Variants in OIP5 observed in about 807,000 individuals in gnomAD.
OIP5 encodes the protein Opa interacting protein 5.
A neutral mutation model predicts 20.3 loss-of-function variants in OIP5; 24 were observed. The observed-to-expected ratio is 1.18, with a 90% CI of 0.86 to 1.66. OIP5 has a LOEUF of 1.66. Ranked by LOEUF, OIP5 falls within the 40% of genes most tolerant of loss-of-function variation. OIP5 has a pLI of 0.00. For synonymous variants in OIP5, 143 were observed against 121.3 expected (o/e 1.18, Z -1.17); for missense variants, 339 against 289.5 (o/e 1.17, Z -1.24).
chr15:41,325,100 G>T (rs1301634017), intron 2 of OIP5, among the ~76,000 whole-genome samples: 1 of 152,104 alleles, frequency 6.6e-6, no homozygotes, highest in Admixed American at 6.6e-5. Flanking sequence ...CAGACATAAT[G>T]ATGAAAAGGT....
In OIP5 at chr15:41,309,644, C is replaced by T; in HGVS notation, c.*110G>A. On this transcript the variant is annotated 3_prime_UTR_variant, in exon 5 of 5. Transcript: ENST00000220514. ...TCAGCCTAAAGGTAAATAGAAACTG[C>T]ATTTCCCCTCCATTCTTGAAGCCAA... The T allele has an allele frequency of 1.5e-6, 1 of 675,528 alleles. No homozygotes were observed. Among genetic ancestry groups the T allele is most frequent in the Middle Eastern group, 2.6e-4 (1 of 3,828 alleles). 41.8% of individuals were successfully genotyped at this position (675,528 alleles called of 1,614,324 possible).
In OIP5 at chr15:41,318,843, C is replaced by T. The variant is rs113149637; in HGVS notation, c.512+815G>A. On this transcript the variant is annotated intron_variant, in intron 3 of 4. Coordinates refer to ENST00000220514, the MANE Select transcript of OIP5 (RefSeq NM_007280.2). ...CCAAGTAACTGGGACTATAGGGGCA[C>T]GCCGCCACATCCAGCTAATTTTTTA... is the stretch of plus-strand genomic sequence containing the variant. Among the ~76,000 whole-genome samples, 382 of 151,000 alleles carry T rather than the reference C, an allele frequency of 2.5e-3. 2 individuals are homozygous for T. Among genetic ancestry groups the T allele is most frequent in the African/African-American group, 8.6e-3 (353 of 41,212 alleles).
At chr15:41,321,181 G>GC (rs1351083121) in intron 2 of OIP5, among the ~76,000 whole-genome samples, 1 of 150,386 alleles carries the variant, frequency 6.6e-6, no homozygotes, top group Non-Finnish European at 1.5e-5. Context: ...CCAGCCAGCC[G>GC]CCCCGTCCAG....
chr15:41,312,463 G>T (rs1023723880), intron 4 of OIP5, among the ~76,000 whole-genome samples: 1 of 151,774 alleles, frequency 6.6e-6, no homozygotes, highest in Non-Finnish European at 1.5e-5. Flanking sequence ...GCCCAGGCAA[G>T]AATTATTTTT....
intron 3 of OIP5, among the ~76,000 whole-genome samples, chr15:41,316,076 C>G (rs974166771): frequency 2.0e-5 from 3 of 151,736 alleles, no homozygotes; most frequent in Admixed American, 1.3e-4. Flanking sequence ...TGCAGTGAGC[C>G]GAGATGGTGC....
chr15:41,326,874 G>A (rs1358382091), intron 2 of OIP5, among the ~76,000 whole-genome samples: 1 of 152,118 alleles, frequency 6.6e-6, no homozygotes, highest in Admixed American at 6.6e-5. Context: ...GGGCACTGGA[G>A]AATATTATAG....
chr15:41,323,036 A>G (rs1414551636), intron 2 of OIP5, among the ~76,000 whole-genome samples: 1 of 152,224 alleles, frequency 6.6e-6, no homozygotes, highest in Non-Finnish European at 1.5e-5. Flanking sequence ...TGGTAAATGA[A>G]GTCCCACACC....
At chr15:41,311,139 G>A (rs1287590188) in intron 4 of OIP5, among the ~76,000 whole-genome samples, 1 of 152,312 alleles carries the variant, frequency 6.6e-6, no homozygotes, top group African/African-American at 2.4e-5. Context: ...AGGCCGAGGC[G>A]GGTGGGTCAC....
At chr15:41,314,885 G>A (rs376860816) in intron 3 of OIP5, among the ~76,000 whole-genome samples, 65 of 151,628 alleles carry the variant, frequency 4.3e-4, no homozygotes, top group African/African-American at 1.5e-3. Context: ...GCCTGCCTCA[G>A]CCTCCCAAAG....
At chr15:41,323,477 A>C (rs924635431) in intron 2 of OIP5, among the ~76,000 whole-genome samples, 4 of 152,134 alleles carry the variant, frequency 2.6e-5, no homozygotes, top group African/African-American at 9.7e-5. Context: ...CCCTAACAAG[A>C]AAGCCTGTCC....
chr15:41,315,712 C>T (rs1292915364), intron 3 of OIP5, among the ~76,000 whole-genome samples: 1 of 152,122 alleles, frequency 6.6e-6, no homozygotes, highest in East Asian at 1.9e-4. Flanking sequence ...AAGCTTACTG[C>T]CCTAACAAAA....
At chr15:41,310,584 G>A (rs948529651) in intron 4 of OIP5, among the ~76,000 whole-genome samples, 12 of 150,912 alleles carry the variant, frequency 8.0e-5, no homozygotes, top group African/African-American at 2.7e-4. Context: ...AGCCAAGATC[G>A]TGCCACTGCA....
At chr15:41,331,559 TGGGC>T (rs1289314460) in intron 2 of OIP5, among the ~76,000 whole-genome samples, 1 of 152,202 alleles carries the variant, frequency 6.6e-6, no homozygotes, top group Admixed American at 6.5e-5. Flanking sequence ...CACTCCAGCC[TGGGC>T]GAGAGCAAGA....
intron 2 of OIP5, among the ~76,000 whole-genome samples, chr15:41,324,060 C>G: frequency 6.8e-6 from 1 of 146,410 alleles, no homozygotes; most frequent in Non-Finnish European, 1.5e-5. Context: ...GGCACAATCA[C>G]AGCTCCATTG....
At position 41,311,376 on chromosome 15, in the gene OIP5, G is replaced by A. The variant is rs142815498; in HGVS notation, c.595-1527C>T. Among the ~76,000 whole-genome samples the A allele has an allele frequency of 3.1e-3, 470 of 152,184 alleles. 3 individuals are homozygous for A. The highest frequency in any genetic ancestry group is 0.011 in the African/African-American group (454 of 41,532). ...TGCAGTGACCCAAGACTGTGCCACT[G>A]CATTCCAGCCTGGGAGGCAGAGTGA... On this transcript the variant is annotated intron_variant, in intron 4 of 4. Transcript: ENST00000220514.
At position 41,313,480 on chromosome 15, in the gene OIP5, A is replaced by G. The variant is rs2047771897; in HGVS notation, c.513-126T>C. The G allele has an allele frequency of 6.7e-6, 4 of 595,862 alleles. No individual in the cohort carries two copies. In the East Asian group the frequency reaches 1.2e-4, roughly 17 times the overall value. The allele number at this position is 595,862 out of a possible 1,614,324, so 36.9% of individuals were successfully genotyped here. On this transcript the variant is annotated intron_variant, in intron 3 of 4. Coordinates refer to ENST00000220514, the MANE Select transcript of OIP5 (RefSeq NM_007280.2). ...GCTTCTTAATGATTTTCATTTCAAG[A>G]CTCATGATGTTACAGTTGGCCCACC... is the stretch of plus-strand genomic sequence containing the variant.
chr15:41,331,841 C>A, intron 2 of OIP5, 74 bp downstream of exon 2: 1 of 1,242,142 alleles, frequency 8.1e-7, no homozygotes, highest in Admixed American at 1.7e-5. Flanking sequence ...GTTTTCTCCT[C>A]GTACATGTCA....
At position 41,331,999 on chromosome 15, in the gene OIP5, G is replaced by C; in HGVS notation, c.323-18C>G. On this transcript the variant is annotated intron_variant, in intron 1 of 4. Transcript: ENST00000220514. ...TGTAACTCCTAGGAAGACAAACACG[G>C]GTCAGAACCCATACTCTGCGGGCCT... 6.2e-7 allele frequency: 1 copy of C among 1,612,672 alleles called. No homozygotes were observed. Among genetic ancestry groups the C allele is most frequent in the Non-Finnish European group, 8.5e-7 (1 of 1,178,904 alleles).
At position 41,309,652 on chromosome 15, in the gene OIP5, C is replaced by T; in HGVS notation, c.*102G>A. Reference sequence around the variant, plus strand: ...AAGGTAAATAGAAACTGCATTTCCCCTCCATTCTTGAAGCCAATCTTTTTC... The same window carrying T: ...AAGGTAAATAGAAACTGCATTTCCCTTCCATTCTTGAAGCCAATCTTTTTC... On this transcript the variant is annotated 3_prime_UTR_variant, in exon 5 of 5. Coordinates refer to ENST00000220514, the MANE Select transcript of OIP5 (RefSeq NM_007280.2). The T allele has an allele frequency of 1.4e-6, 1 of 726,698 alleles. No homozygotes were observed. Among genetic ancestry groups the T allele is most frequent in the South Asian group, 1.9e-5 (1 of 53,014 alleles). The allele number at this position is 726,698 out of a possible 1,614,324, so 45.0% of individuals were successfully genotyped here. A position where few individuals can be genotyped will look rare whatever the true frequency, so the allele number is the denominator to read the frequency against.
Sources: gnomAD v4.1 joint callset for allele counts (sites outside exome capture counted in the v4.1 genomes callset) on GRCh38, gnomAD v4.1.1 for gene constraint, MANE v1.5 for transcripts, NCBI Gene and HGNC (gene_info 2026-07-23, HGNC 2026-07-21) for gene names.